SLC25A47: variants seen among roughly 807,000 people sequenced by gnomAD.
SLC25A47 encodes the protein solute carrier family 25 member 47.
A neutral mutation model predicts 29.8 loss-of-function variants in SLC25A47; 30 were observed. That is an observed-to-expected ratio of 1.01 (90% CI 0.75 to 1.36). SLC25A47 has a LOEUF of 1.36. Ranked by LOEUF, SLC25A47 falls within the 40% of genes most tolerant of loss-of-function variation. SLC25A47 has a pLI of 0.00. For missense variants in SLC25A47, 430 were observed against 441.9 expected (o/e 0.97, Z 0.24); for synonymous variants, 204 against 197.8 (o/e 1.03, Z -0.26).
At chr14:100,326,091 C>T in intron 2 of SLC25A47, 66 bp from the exon 3 acceptor site, 1 of 1,390,804 alleles carries the variant, frequency 7.2e-7, no homozygotes, top group South Asian at 1.2e-5. Context: ...CTGCCCCTTC[C>T]CCAGGGCCTG....
At chr14:100,326,833 A>G (rs1413689326) in intron 3 of SLC25A47, among the ~76,000 whole-genome samples, 1 of 152,064 alleles carries the variant, frequency 6.6e-6, no homozygotes, top group Non-Finnish European at 1.5e-5. Context: ...AATTAGCTGG[A>G]GGTGGTGGCA....
rs573860417 is a variant in SLC25A47, at chr14:100,324,654, T to C, written c.29-1134T>C. Among the ~76,000 whole-genome samples the C allele has an allele frequency of 2.0e-5, 3 of 152,278 alleles. No individual in the cohort carries two copies. In the South Asian group the frequency reaches 6.2e-4, roughly 32 times the overall value. On this transcript the variant is annotated intron_variant, in intron 1 of 5. Coordinates refer to ENST00000361529, the MANE Select transcript of SLC25A47 (RefSeq NM_207117.4). The stretch of plus-strand genomic sequence containing the variant: ...GGGCTCCTGAGTCTGGCATCTTTCC[T>C]CCGGAGCCATGAGGAGGCCTAGGTA...
In SLC25A47 at chr14:100,327,289, C is replaced by A. The variant is rs1893358124; in HGVS notation, c.246C>A (p.Cys82Ter). 1 of 1,605,730 alleles carries A rather than the reference C, an allele frequency of 6.2e-7. No individual in the cohort carries two copies. The highest frequency in any genetic ancestry group is 1.7e-5 in the Admixed American group (1 of 60,002). ...GTYRHCLAHI[C>*]RLRYGNPDAK... ...ACCGCCACTGCCTGGCGCACATCTG[C>A]CGGCTCCGGTACGGCAACCCTGACG... Residue 82 changes from cysteine (C) to a stop codon, truncating the protein, a stop_gained, in exon 4 of 6, where the codon TGC (cysteine) becomes TGA (stop). Transcript: ENST00000361529. LOFTEE classifies it high-confidence loss of function.
intron 3 of SLC25A47, among the ~76,000 whole-genome samples, 167 bp downstream of exon 3, chr14:100,326,395 G>A (rs957961860): frequency 4.6e-5 from 7 of 152,218 alleles, no homozygotes; most frequent in African/African-American, 1.7e-4. Context: ...CTGGAGCCAG[G>A]ACATCTGGCA....
At chr14:100,325,744 G>A (rs372975513) in intron 1 of SLC25A47, 44 bp from the exon 2 acceptor site, 233 of 1,597,644 alleles carry the variant, frequency 1.5e-4, no homozygotes, top group South Asian at 1.2e-3. Flanking sequence ...TGAACTGCTC[G>A]CCGGCCCCAC....
At chr14:100,329,121 C>T in intron 5 of SLC25A47, 77 bp downstream of exon 5, 1 of 1,494,534 alleles carries the variant, frequency 6.7e-7, no homozygotes, top group Non-Finnish European at 9.0e-7. Flanking sequence ...TGCTGCCCGC[C>T]AGTACCCGAG....
rs1893393033 is a variant in SLC25A47 at position 100,328,929 on chromosome 14, C to T, written c.531C>T (p.Gly177=). 2 of 1,607,786 alleles carry T rather than the reference C, an allele frequency of 1.2e-6. No individual in the cohort carries two copies. Among genetic ancestry groups the T allele is most frequent in the Middle Eastern group, 3.3e-4 (2 of 6,062 alleles). ...ATVAREEGLC[G]LYKGSSALVL... is the part of the protein sequence containing the mutation. The stretch of plus-strand genomic sequence containing the variant: ...TAGCCCGTGAGGAGGGGCTGTGCGG[C>T]CTCTACAAGGGCAGCTCGGCCCTGG... The change falls in exon 5 of 6, where the codon GGC becomes GGT. Residue 177 remains glycine (G), a synonymous_variant. Coordinates refer to ENST00000361529, the MANE Select transcript of SLC25A47 (RefSeq NM_207117.4).
chr14:100,329,161 C>T, intron 5 of SLC25A47, 117 bp downstream of exon 5: 1 of 1,278,028 alleles, frequency 7.8e-7, no homozygotes, highest in Non-Finnish European at 1.1e-6. Context: ...TCCTGCCTCC[C>T]AGAGTGGGCT....
Position 100,329,042 on chromosome 14 carries a change from C to T in SLC25A47, c.644C>T (p.Pro215Leu), listed in dbSNP as rs1272802339. ...CTCAGCCCCGCTGGCCACAGCCGGC[C>T]AGGTGAGCAGGGGCTGGAACCTGGC... is the stretch of plus-strand genomic sequence containing the variant. ...EWLSPAGHSR[P>L]DVPGVLVAGG... Residue 215 changes from proline to leucine, a missense_variant and splice_region_variant, in exon 5 of 6, where the codon CCA (proline) becomes CTA (leucine). Transcript: ENST00000361529. 2 of 1,598,566 alleles carry T rather than the reference C, an allele frequency of 1.3e-6. No individual in the cohort carries two copies. The highest frequency in any genetic ancestry group is 1.3e-5 in the African/African-American group (1 of 75,016).
chr14:100,329,576 C>T lies in SLC25A47; in HGVS notation c.858C>T (p.Phe286=), dbSNP rs1206313515. Residue 286 remains phenylalanine (F), a synonymous_variant, in exon 6 of 6, where the codon TTC becomes TTT. Coordinates refer to ENST00000361529, the MANE Select transcript of SLC25A47 (RefSeq NM_207117.4). ...KGLVLNCCRA[F]PVNMVVFVAY... ...TGGTACTCAATTGCTGCCGCGCCTT[C>T]CCTGTCAACATGGTGGTCTTCGTCG... is the stretch of plus-strand genomic sequence containing the variant. 2 of 1,613,734 alleles carry T rather than the reference C, an allele frequency of 1.2e-6. No individual in the cohort carries two copies.
At chr14:100,323,550 C>T in intron 1 of SLC25A47, 108 bp downstream of exon 1, 8 of 1,321,814 alleles carry the variant, frequency 6.1e-6, no homozygotes, top group Non-Finnish European at 8.6e-6. Context: ...TGAGGAGCCC[C>T]TCACCCCCCA....
chr14:100,329,292 G>C (rs1013938858), intron 5 of SLC25A47, 73 bp from the exon 6 acceptor site: 8 of 1,505,490 alleles, frequency 5.3e-6, no homozygotes, highest in Non-Finnish European at 7.1e-6. Flanking sequence ...CGGGCCGGAA[G>C]CGTGAGTCCA....
chr14:100,326,372 G>T, intron 3 of SLC25A47, 144 bp downstream of exon 3: 1 of 765,022 alleles, frequency 1.3e-6, no homozygotes, highest in Non-Finnish European at 2.2e-6. Flanking sequence ...AATCTCATGG[G>T]TTCCTCTGAG....
chr14:100,328,989 C>T lies in SLC25A47; in HGVS notation c.591C>T (p.Phe197=), dbSNP rs374854892. 55 of 1,601,388 alleles carry T rather than the reference C, an allele frequency of 3.4e-5. No homozygotes were observed. In the African/African-American group the frequency reaches 6.1e-4, roughly 18 times the overall value. ...LRDGHSFATY[F]LSYAVLCEWL... is the part of the protein sequence containing the mutation. ...ACGGCCACTCCTTTGCCACCTACTT[C>T]CTTTCCTACGCGGTCCTCTGCGAGT... The change falls in exon 5 of 6, where the codon TTC becomes TTT. Residue 197 remains phenylalanine (F), a synonymous_variant. Transcript: ENST00000361529.
chr14:100,328,834 C>A lies in SLC25A47; in HGVS notation c.436C>A (p.Pro146Thr). 6.2e-7 allele frequency: 1 copy of A among 1,612,496 alleles called. No individual in the cohort carries two copies. The highest frequency in any genetic ancestry group is 8.5e-7 in the Non-Finnish European group (1 of 1,179,700). ...GGCCTCGGGGCCGTTGGCTGTGCCCCCCATGTGTCCTGTGCCCCCAGCCTG... is the reference window on the plus strand; with the variant it reads ...GGCCTCGGGGCCGTTGGCTGTGCCCACCATGTGTCCTGTGCCCCCAGCCTG... The part of the protein sequence containing the change: ...LSASGPLAVP[P>T]MCPVPPACPE... The change falls in exon 5 of 6, where the codon CCC becomes ACC. Residue 146 changes from proline to threonine, a missense_variant. By Grantham distance (38) the Pro-to-Thr change is conservative (BLOSUM62 -1). Transcript: ENST00000361529.
Position 100,323,360 on chromosome 14 carries a change from G to A in SLC25A47, c.-55G>A. ...GGGAGCTGTTGAGGCCACCCTGGTG[G>A]CACCAAAGCCCTCTCAGGCAGGCAG... On this transcript the variant is annotated 5_prime_UTR_variant, in exon 1 of 6. Transcript: ENST00000361529. 2 of 1,607,478 alleles carry A rather than the reference G, an allele frequency of 1.2e-6. No individual in the cohort carries two copies. Among genetic ancestry groups the A allele is most frequent in the South Asian group, 1.1e-5 (1 of 90,874 alleles).
At chr14:100,328,700 GAC>G (rs779015238) in intron 4 of SLC25A47, 24 bp from the exon 5 acceptor site, 3 of 1,611,090 alleles carry the variant, frequency 1.9e-6, no homozygotes, top group Non-Finnish European at 2.5e-6. Flanking sequence ...ACAGGTGGCT[GAC>G]CCCTGCTTCC....
chr14:100,327,750 G>A (rs990581335), intron 4 of SLC25A47, among the ~76,000 whole-genome samples: 2 of 152,242 alleles, frequency 1.3e-5, no homozygotes, highest in Non-Finnish European at 2.9e-5. Flanking sequence ...TGCTGGATGT[G>A]GGCATTTCTC....
intron 4 of SLC25A47, 132 bp downstream of exon 4, chr14:100,327,502 C>A: frequency 1.9e-6 from 2 of 1,057,608 alleles, no homozygotes; most frequent in Non-Finnish European, 2.6e-6. Flanking sequence ...GAGTCAGGGG[C>A]TGTGGGAGAA....
Sources: allele counts gnomAD v4.1 joint callset (sites outside exome capture counted in the v4.1 genomes callset), GRCh38; gene constraint gnomAD v4.1.1; transcripts MANE v1.5; gene names NCBI Gene and HGNC (gene_info 2026-07-23, HGNC 2026-07-21).